Variants in PIK3R5 observed in about 807,000 individuals in gnomAD.
PIK3R5 encodes the protein phosphoinositide 3-kinase regulatory subunit 5.
PIK3R5 carries 32 observed loss-of-function variants against 94.9 expected under a neutral mutation model. The ratio of observed to expected loss-of-function variants is 0.34; its 90% CI spans 0.25 to 0.45. The LOEUF is 0.45. Among genes scored for constraint, PIK3R5 ranks in the 20% least tolerant of loss-of-function variants. PIK3R5 has a pLI of 1.00. For missense variants in PIK3R5, 853 were observed against 1,144.6 expected (o/e 0.75, Z 3.68); for synonymous variants, 443 against 479.4 (o/e 0.92, Z 0.99).
At chr17:8,915,037 A>G (rs2090602972) in intron 1 of PIK3R5, among the ~76,000 whole-genome samples, 1 of 152,274 alleles carries the variant, frequency 6.6e-6, no homozygotes, top group Admixed American at 6.5e-5. Flanking sequence ...TGGGGTTTCA[A>G]CCACTAGAAT....
chr17:8,888,649 C>T lies in PIK3R5; in HGVS notation c.1138G>A (p.Val380Ile), dbSNP rs2089944497. Residue 380 changes from valine to isoleucine, a missense_variant, in exon 10 of 19, where the codon GTC (valine) becomes ATC (isoleucine). Transcript: ENST00000447110. The surrounding 1 kb of genome is among the most constrained non-coding windows in gnomAD (Gnocchi z 7.8). Reference sequence around the variant, plus strand: ...TCCATGCCATCAGAGAGGCCTGAGACAAAGGAAGTCAGCAGATGGCGCGAG... The same window carrying T: ...TCCATGCCATCAGAGAGGCCTGAGATAAAGGAAGTCAGCAGATGGCGCGAG... ...ALSRHLLTSF[V>I]SGLSDGMDSG... is the part of the protein sequence containing the mutation. 3 of 1,613,588 alleles carry T rather than the reference C, an allele frequency of 1.9e-6. No individual in the cohort carries two copies. The highest frequency in any genetic ancestry group is 2.7e-5 in the African/African-American group (2 of 74,948).
intron 5 of PIK3R5, among the ~76,000 whole-genome samples, chr17:8,899,987 G>A (rs892955168): frequency 4.6e-5 from 7 of 151,960 alleles, no homozygotes; most frequent in Non-Finnish European, 8.8e-5. Flanking sequence ...GCAGTGAGCC[G>A]AGGTCGTGCC....
In PIK3R5 at chr17:8,955,249, C is replaced by T. The variant is rs78416161; in HGVS notation, c.-14+10347G>A. Among the ~76,000 whole-genome samples the T allele has an allele frequency of 1.7e-3, 255 of 152,358 alleles. 1 individual carries two copies. The highest frequency in any genetic ancestry group is 3.2e-3 in the Non-Finnish European group (216 of 68,032). On this transcript the variant is annotated intron_variant, in intron 1 of 18. Transcript: ENST00000447110. The surrounding 1 kb of genome is among the most constrained non-coding windows in gnomAD (Gnocchi z 4.4). ...CCGGGCCTCTTCCATGCTGGCTGCT[C>T]GACCAGGCAATCACTCATTCAGCAA...
chr17:8,893,046 C>CTGTGTGTGTGTG lies in PIK3R5; in HGVS notation c.482+528_482+539dup, dbSNP rs199732856. Among the ~76,000 whole-genome samples, 287 of 135,858 alleles carry CTGTGTGTGTGTG rather than the reference C, an allele frequency of 2.1e-3. 1 individual carries two copies. Among genetic ancestry groups the CTGTGTGTGTGTG allele is most frequent in the African/African-American group, 8.1e-3 (269 of 33,100 alleles). 89.1% of individuals were successfully genotyped at this position (135,858 alleles called of 152,430 possible). A position where few individuals can be genotyped will look rare whatever the true frequency, so the allele number is the denominator to read the frequency against. On this transcript the variant is annotated intron_variant, in intron 6 of 18. Transcript: ENST00000447110. This position sits in a 1 kb window ranked among gnomAD's most constrained non-coding sequence, Gnocchi z 5.1. ...GTAACCAGGATACATTTCATTTCAG[C>CTGTGTGTGTGTG]TGTGTGTGTGTGTGTGTGTGTGTGT... is the stretch of plus-strand genomic sequence containing the variant.
chr17:8,921,700 G>A (rs747021392), intron 1 of PIK3R5, among the ~76,000 whole-genome samples: 1 of 152,086 alleles, frequency 6.6e-6, no homozygotes, highest in Non-Finnish European at 1.5e-5. Flanking sequence ...GAAAATGTTT[G>A]AGGGACACGA....
In PIK3R5 at chr17:8,929,974, T is replaced by C. The variant is rs543598483; in HGVS notation, c.-13-18467A>G. ...CAAAAGCGATCGAATTTAAAAACAG[T>C]AAAAAACAAGAAATAATCGGAGACT... On this transcript the variant is annotated intron_variant, in intron 1 of 18. Transcript: ENST00000447110. 3.3e-5 allele frequency among the ~76,000 whole-genome samples: 5 copies of C among 152,090 alleles called. No individual in the cohort carries two copies. In the South Asian group the frequency reaches 8.3e-4, roughly 25 times the overall value.
chr17:8,946,765 G>A lies in PIK3R5; in HGVS notation c.-14+18831C>T, dbSNP rs551263074. Among the ~76,000 whole-genome samples, 8 of 151,758 alleles carry A rather than the reference G, an allele frequency of 5.3e-5. No individual in the cohort carries two copies. The East Asian group carries it at 7.7e-4, about 15-fold the overall frequency. On this transcript the variant is annotated intron_variant, in intron 1 of 18. Coordinates refer to ENST00000447110, the MANE Select transcript of PIK3R5 (RefSeq NM_001142633.3). Reference sequence around the variant, plus strand: ...CTGCCTCTCCTGCCTCAGGACCTTCGCGCCTGCCGTTCTCTCTGCCTGAGT... The same window carrying A: ...CTGCCTCTCCTGCCTCAGGACCTTCACGCCTGCCGTTCTCTCTGCCTGAGT...
At chr17:8,943,854 C>T (rs1286815278) in intron 1 of PIK3R5, among the ~76,000 whole-genome samples, 1 of 150,920 alleles carries the variant, frequency 6.6e-6, no homozygotes, top group Non-Finnish European at 1.5e-5. Flanking sequence ...AATTCTGAAA[C>T]ATTGTCTGCT....
intron 5 of PIK3R5, among the ~76,000 whole-genome samples, chr17:8,894,653 CAG>C (rs1410207147): frequency 1.3e-5 from 2 of 152,226 alleles, no homozygotes; most frequent in Non-Finnish European, 2.9e-5. Flanking sequence ...AGTCGCTTTA[CAG>C]TGTGCATTCA....
chr17:8,946,180 T>G (rs933800066), intron 1 of PIK3R5, among the ~76,000 whole-genome samples: 1 of 151,794 alleles, frequency 6.6e-6, no homozygotes, highest in African/African-American at 2.4e-5. Context: ...GCAATGTATC[T>G]GGAACATACA....
chr17:8,962,586 G>A (rs2091585945), intron 1 of PIK3R5, among the ~76,000 whole-genome samples: 1 of 152,166 alleles, frequency 6.6e-6, no homozygotes, highest in African/African-American at 2.4e-5. Context: ...TCTATAAAAA[G>A]TGCACTGTAT....
chr17:8,885,802 T>C (rs868152753), intron 14 of PIK3R5, among the ~76,000 whole-genome samples: 68 of 9,456 alleles, frequency 7.2e-3, no homozygotes, highest in Admixed American at 9.2e-3. Context: ...AACCCCGCCC[T>C]CCCATGGCCC....
chr17:8,924,245 A>ATT (rs111503577), intron 1 of PIK3R5, among the ~76,000 whole-genome samples: 5 of 138,148 alleles, frequency 3.6e-5, no homozygotes, highest in African/African-American at 1.1e-4. Flanking sequence ...TGCCTGGCTA[A>ATT]TTTTTTTTTT....
intron 1 of PIK3R5, among the ~76,000 whole-genome samples, chr17:8,957,502 C>T (rs754823260): frequency 7.9e-5 from 12 of 152,242 alleles, no homozygotes; most frequent in Non-Finnish European, 1.6e-4. Flanking sequence ...CTCGCTACTT[C>T]TTAATTACTT....
At chr17:8,941,686 C>T (rs1597423306) in intron 1 of PIK3R5, among the ~76,000 whole-genome samples, 2 of 152,078 alleles carry the variant, frequency 1.3e-5, no homozygotes, top group African/African-American at 2.4e-5. Flanking sequence ...GCGGGGCAGG[C>T]GGCAGGGTCT....
chr17:8,963,508 ATTCTTC>A (rs1314825888), intron 1 of PIK3R5, among the ~76,000 whole-genome samples: 2 of 125,080 alleles, frequency 1.6e-5, no homozygotes, highest in Admixed American at 8.9e-5. Flanking sequence ...CATCCAACCT[ATTCTTC>A]TTCTTCTTCT....
chr17:8,948,555 T>C (rs1406482400), intron 1 of PIK3R5, among the ~76,000 whole-genome samples: 1 of 152,134 alleles, frequency 6.6e-6, no homozygotes, highest in Non-Finnish European at 1.5e-5. Context: ...CCACTAAACA[T>C]GTGGAGAGGT....
At chr17:8,961,649 T>C (rs141577021) in intron 1 of PIK3R5, among the ~76,000 whole-genome samples, 15 of 150,750 alleles carry the variant, frequency 1.0e-4, no homozygotes, top group South Asian at 4.2e-4. Flanking sequence ...AATAATAATT[T>C]AAAAAAAAAT....
rs9915880 is a variant in PIK3R5 at position 8,888,686 on chromosome 17, C to G, written c.1101G>C (p.Ser367=). ...STLSLASSQA[S]GPALSRHLLT... ...GCAGATGGCGCGAGAGGGCCGGCCC[C>G]GAGGCCTGGGAGGATGCAAGGGACA... The change falls in exon 10 of 19, where the codon TCG becomes TCC. Residue 367 remains serine, a synonymous_variant. Coordinates refer to ENST00000447110, the MANE Select transcript of PIK3R5 (RefSeq NM_001142633.3). This position sits in a 1 kb window ranked among gnomAD's most constrained non-coding sequence, Gnocchi z 7.8. 1.4e-5 allele frequency: 22 copies of G among 1,613,650 alleles called. No homozygotes were observed. The highest frequency in any genetic ancestry group is 1.9e-5 in the Non-Finnish European group (22 of 1,179,972).
Sources: gnomAD v4.1 joint callset for allele counts (sites outside exome capture counted in the v4.1 genomes callset) on GRCh38, gnomAD v4.1.1 for gene constraint, Gnocchi (gnomAD v3.1) non-coding constraint, MANE v1.5 for transcripts, NCBI Gene and HGNC (gene_info 2026-07-23, HGNC 2026-07-21) for gene names.